The following ITGA3 variants were observed in gnomAD, a reference collection of about 807,000 sequenced individuals.
ITGA3 encodes the protein integrin alpha-3.
Under a neutral mutation model 131.1 loss-of-function variants are expected in ITGA3, and 70 were observed. The observed-to-expected ratio is 0.53, with a 90% CI of 0.44 to 0.65. ITGA3 has a LOEUF of 0.65. Among genes scored for constraint, ITGA3 ranks in the 30% least tolerant of loss-of-function variants. ITGA3 has a pLI of 0.00. For missense variants in ITGA3, 1,098 were observed against 1,388.6 expected (o/e 0.79, Z 3.33); for synonymous variants, 537 against 571.6 (o/e 0.94, Z 0.86).
chr17:50,063,245 C>G (rs28529860), intron 1 of ITGA3, among the ~76,000 whole-genome samples: 49,754 of 152,100 alleles, frequency 0.33, 9,738 homozygotes, highest in Middle Eastern at 0.51. Context: ...TTTCCCTCCC[C>G]ACCTGCTGCC....
Position 50,078,224 on chromosome 17 carries a change from A to G in ITGA3, c.2237A>G (p.Asn746Ser), listed in dbSNP as rs1302854967. The change falls in exon 18 of 26, where the codon AAC (asparagine) becomes AGC (serine). Residue 746 changes from asparagine (N) to serine (S), a missense_variant. This residue lies in a region of ITGA3 where 699 missense variants were observed against 829.2 expected (regional missense o/e 0.84). Coordinates refer to ENST00000320031, the MANE Select transcript of ITGA3 (RefSeq NM_002204.4). ...LQLSTSSHQD[N>S]LWPMILTLLV... Reference sequence around the variant, plus strand: ...CTCCCAAGGTCGAGTCACCAGGACAACCTGTGGCCCATGATCCTCACTCTG... The same window carrying G: ...CTCCCAAGGTCGAGTCACCAGGACAGCCTGTGGCCCATGATCCTCACTCTG... The G allele has an allele frequency of 1.2e-6, 2 of 1,613,870 alleles. No individual in the cohort carries two copies. Among genetic ancestry groups the G allele is most frequent in the East Asian group, 2.2e-5 (1 of 44,874 alleles).
At chr17:50,062,579 A>AGGGG (rs1250036042) in intron 1 of ITGA3, among the ~76,000 whole-genome samples, 9 of 152,174 alleles carry the variant, frequency 5.9e-5, no homozygotes, top group Non-Finnish European at 1.2e-4. Context: ...GTTGTCTTGA[A>AGGGG]GTATAGGCAA....
chr17:50,088,119 C>T, intron 24 of ITGA3, 106 bp from the exon 25 acceptor site: 2 of 1,420,592 alleles, frequency 1.4e-6, no homozygotes, highest in South Asian at 1.4e-5. Context: ...GGACTGAGCC[C>T]CAGCCCCCAG....
chr17:50,084,009 G>A (rs1008384495), intron 23 of ITGA3, among the ~76,000 whole-genome samples: 1 of 151,462 alleles, frequency 6.6e-6, no homozygotes, highest in Non-Finnish European at 1.5e-5. Flanking sequence ...GGCCAAGGCG[G>A]GTGGATCATT....
intron 1 of ITGA3, among the ~76,000 whole-genome samples, chr17:50,059,328 G>A (rs1203950701): frequency 6.6e-6 from 1 of 152,174 alleles, no homozygotes; most frequent in Non-Finnish European, 1.5e-5. Context: ...CAGGCATTCT[G>A]GTCTGGCCTG....
At chr17:50,077,685 C>T (rs948342724) in intron 16 of ITGA3, among the ~76,000 whole-genome samples, 13 of 152,326 alleles carry the variant, frequency 8.5e-5, no homozygotes, top group African/African-American at 2.9e-4. Flanking sequence ...CCAGTTTGAC[C>T]AAGCACCAAC....
At chr17:50,066,476 T>C (rs1189524920) in intron 3 of ITGA3, among the ~76,000 whole-genome samples, 1 of 151,978 alleles carries the variant, frequency 6.6e-6, no homozygotes, top group Non-Finnish European at 1.5e-5. Flanking sequence ...AGAGCAACAA[T>C]GCCTGGCTTT....
intron 7 of ITGA3, among the ~76,000 whole-genome samples, chr17:50,073,531 C>A (rs779700598): frequency 5.3e-5 from 8 of 151,882 alleles, no homozygotes; most frequent in Admixed American, 2.0e-4. Flanking sequence ...GTTGAGGCTG[C>A]AGTGAGCTAT....
At chr17:50,065,672 T>C (rs1908302008) in intron 3 of ITGA3, 1 of 148,440 alleles carries the variant, frequency 6.7e-6, no homozygotes, top group East Asian at 2.0e-4. Flanking sequence ...AAAGAGAGAA[T>C]GAGGCTGTCT....
rs188095913 is a variant in ITGA3 at position 50,072,260 on chromosome 17, C to T, written c.1156+78C>T. The T allele has an allele frequency of 5.3e-5, 70 of 1,333,080 alleles. No individual in the cohort carries two copies. In the Admixed American group the frequency reaches 1.2e-3, roughly 24 times the overall value. The allele number at this position is 1,333,080 out of a possible 1,614,324, so 82.6% of individuals were successfully genotyped here. On this transcript the variant is annotated intron_variant, in intron 7 of 25. Coordinates refer to ENST00000320031, the MANE Select transcript of ITGA3 (RefSeq NM_002204.4). ...AGCACCCCTACTGACTGAGCACCAG[C>T]TGCACATCAGGCTTGACAGGGCCCA...
chr17:50,068,020 CCTGA>C (rs1323473116), intron 3 of ITGA3, 32 bp from the exon 4 acceptor site: 2 of 1,611,360 alleles, frequency 1.2e-6, no homozygotes, highest in South Asian at 2.2e-5. Flanking sequence ...GGTCCCTGTG[CCTGA>C]CTAAGGCTGC....
At chr17:50,082,500 T>C (rs989911334) in intron 23 of ITGA3, among the ~76,000 whole-genome samples, 3 of 151,632 alleles carry the variant, frequency 2.0e-5, no homozygotes, top group Non-Finnish European at 2.9e-5. Flanking sequence ...TTAGTAGACA[T>C]GAGGTCTCAC....
chr17:50,070,398 C>A (rs183312535), intron 4 of ITGA3, among the ~76,000 whole-genome samples: 1 of 152,224 alleles, frequency 6.6e-6, no homozygotes, highest in African/African-American at 2.4e-5. Context: ...GTAATCCCAG[C>A]ACTTTGGGAG....
At chr17:50,076,020 T>C (rs754619603) in intron 12 of ITGA3, among the ~76,000 whole-genome samples, 42 of 151,978 alleles carry the variant, frequency 2.8e-4, no homozygotes, top group Admixed American at 9.2e-4. Flanking sequence ...AAGGGGTCCC[T>C]GAGTAGGGAG....
At position 50,078,046 on chromosome 17, in the gene ITGA3, A is replaced by G. The variant is rs1391762075; in HGVS notation, c.2140A>G (p.Met714Val). The part of the protein sequence containing the change: ...LGNPFKRNQR[M>V]ELLIAFEVIG... ...TCTGCCTCCCTGACCCTTGTGGCAG[A>G]TGGAGCTGCTCATCGCCTTTGAGGT... Residue 714 changes from methionine (M) to valine (V), a missense_variant and splice_region_variant, in exon 17 of 26, where the codon ATG (methionine) becomes GTG (valine). By Grantham distance (21) the Met-to-Val change is conservative (BLOSUM62 1). Coordinates refer to ENST00000320031, the MANE Select transcript of ITGA3 (RefSeq NM_002204.4). 1.2e-6 allele frequency: 2 copies of G among 1,609,546 alleles called. No homozygotes were observed. The highest frequency in any genetic ancestry group is 1.7e-6 in the Non-Finnish European group (2 of 1,176,542).
At position 50,081,375 on chromosome 17, in the gene ITGA3, C is replaced by G. The variant is rs771100368; in HGVS notation, c.2886C>G (p.Ile962Met). ...CTACCCTATTCCTCCGAACCAGCAT[C>G]CCCACCATCAACATGGAGAACAAGA... ...GWATLFLRTS[I>M]PTINMENKTT... The change falls in exon 23 of 26, where the codon ATC (isoleucine) becomes ATG (methionine). Residue 962 changes from isoleucine (I) to methionine (M), a missense_variant. Transcript: ENST00000320031. 16 of 1,588,130 alleles carry G rather than the reference C, an allele frequency of 1.0e-5. No homozygotes were observed. In the Admixed American group the frequency reaches 1.6e-4, roughly 16 times the overall value.
In ITGA3 at chr17:50,064,078, C is replaced by G. The variant is rs767757449; in HGVS notation, c.208C>G (p.Leu70Val). 1.9e-6 allele frequency: 3 copies of G among 1,612,838 alleles called. No individual in the cohort carries two copies. In the East Asian group the frequency reaches 6.7e-5, roughly 36 times the overall value. Residue 70 changes from leucine to valine, a missense_variant and splice_region_variant, in exon 2 of 26, where the codon CTC becomes GTC. By Grantham distance (32) the Leu-to-Val change is conservative. Transcript: ENST00000320031. The surrounding 1 kb of genome is among the most constrained non-coding windows in gnomAD (Gnocchi z 4.4). ...ACCCACCTCCGTCCCTATCCCCAGG[C>G]TCCTGGCTGGTGCCCCCCGGGAGCT... ...RQTERQQRYL[L>V]LAGAPRELAV...
At chr17:50,071,965 T>C in intron 6 of ITGA3, 21 bp from the exon 7 acceptor site, 1 of 1,606,216 alleles carries the variant, frequency 6.2e-7, no homozygotes, top group South Asian at 1.1e-5. Context: ...CACACTCCCA[T>C]TTCCCTCCTC....
intron 1 of ITGA3, among the ~76,000 whole-genome samples, chr17:50,060,559 A>T (rs865854851): frequency 3.9e-5 from 6 of 152,158 alleles, no homozygotes; most frequent in Non-Finnish European, 8.8e-5. Context: ...GGCTCCGCAG[A>T]GGCCAAGAGG....
Sources: allele counts gnomAD v4.1 joint callset (sites outside exome capture counted in the v4.1 genomes callset), GRCh38; gene constraint gnomAD v4.1.1; regional missense constraint gnomAD v4.1.1; non-coding constraint Gnocchi (gnomAD v3.1); transcripts MANE v1.5; gene names NCBI Gene and HGNC (gene_info 2026-07-23, HGNC 2026-07-21).